SLK: variants seen among roughly 807,000 people sequenced by gnomAD.
SLK encodes the protein STE20 like kinase, also known as STE20-like serine/threonine-protein kinase.
A neutral mutation model predicts 147.7 loss-of-function variants in SLK; 67 were observed. The observed-to-expected ratio is 0.45, with a 90% CI of 0.37 to 0.56. SLK has a LOEUF of 0.56. Among genes scored for constraint, SLK ranks in the 20% least tolerant of loss-of-function variants. SLK has a pLI of 0.00. For synonymous variants in SLK, 441 were observed against 475.0 expected, an observed-to-expected ratio of 0.93 and a Z score of 0.93; for missense variants, 1,136 against 1,438.8, an observed-to-expected ratio of 0.79 and a Z score of 3.41.
intron 1 of SLK, among the ~76,000 whole-genome samples, chr10:103,989,429 T>TCTTTCAG (rs1844059481): frequency 6.7e-6 from 1 of 150,138 alleles, no homozygotes; most frequent in Non-Finnish European, 1.5e-5. Context: ...GTATGCAGAC[T>TCTTTCAG]CTTTCAGCCA....
In SLK at chr10:104,002,732, T is replaced by C; in HGVS notation, c.1554T>C (p.Ser518=). The C allele has an allele frequency of 6.2e-7, 1 of 1,613,542 alleles. No homozygotes were observed. Among genetic ancestry groups the C allele is most frequent in the South Asian group, 1.1e-5 (1 of 91,058 alleles). The change falls in exon 9 of 19, where the codon AGT becomes AGC. Residue 518 remains serine, a synonymous_variant. Transcript: ENST00000369755. Reference sequence around the variant, plus strand: ...AGGCAAATATTCAGGCAGTTGATAGTGAAGTTGGGCTTACAAAGGAAGACA... The same window carrying C: ...AGGCAAATATTCAGGCAGTTGATAGCGAAGTTGGGCTTACAAAGGAAGACA... ...EKEANIQAVD[S]EVGLTKEDTQ... is the part of the protein sequence containing the mutation.
Position 104,026,454 on chromosome 10 carries a change from C to G in SLK, c.*734C>G, listed in dbSNP as rs1314784727. 2.6e-5 allele frequency: 4 copies of G among 152,456 alleles called. No individual in the cohort carries two copies. Among genetic ancestry groups the G allele is most frequent in the African/African-American group, 7.2e-5 (3 of 41,420 alleles). The allele number at this position is 152,456 out of a possible 1,614,324, so 9.4% of individuals were successfully genotyped here. On this transcript the variant is annotated 3_prime_UTR_variant, in exon 19 of 19. Coordinates refer to ENST00000369755, the MANE Select transcript of SLK (RefSeq NM_014720.4). The stretch of plus-strand genomic sequence containing the variant: ...TGGTTGTTTTGGAATTTTTGCTTCT[C>G]TTACCGTTTGATAGAAATTTTCATC...
Position 104,004,677 on chromosome 10 carries a change from T to C in SLK, c.2350-884T>C, listed in dbSNP as rs577025596. ...AAACTGTTTAAAATTTGGATGCATTTTGAGTTTAGCATTTTCACATTCCAT... is the reference window on the plus strand; with the variant it reads ...AAACTGTTTAAAATTTGGATGCATTCTGAGTTTAGCATTTTCACATTCCAT... On this transcript the variant is annotated intron_variant, in intron 9 of 18. Coordinates refer to ENST00000369755, the MANE Select transcript of SLK (RefSeq NM_014720.4). Among the ~76,000 whole-genome samples, 4 of 152,304 alleles carry C rather than the reference T, an allele frequency of 2.6e-5. No individual in the cohort carries two copies. The East Asian group carries it at 7.7e-4, about 29-fold the overall frequency.
chr10:103,969,265 G>A (rs1284343385), intron 1 of SLK, among the ~76,000 whole-genome samples: 1 of 152,100 alleles, frequency 6.6e-6, no homozygotes, highest in Non-Finnish European at 1.5e-5. Flanking sequence ...CACCGTCCCC[G>A]GCTGCCTACT....
At chr10:104,018,095 A>G (rs1844486800) in intron 13 of SLK, 65 bp from the exon 14 acceptor site, 1 of 1,340,644 alleles carries the variant, frequency 7.5e-7, no homozygotes, top group Non-Finnish European at 1.0e-6. Flanking sequence ...ATATACAGCC[A>G]TATAGATAAA....
intron 1 of SLK, 92 bp downstream of exon 1, chr10:103,967,987 C>A: frequency 7.6e-7 from 1 of 1,308,316 alleles, no homozygotes; most frequent in Non-Finnish European, 1.1e-6. Flanking sequence ...TGGTCCTTAT[C>A]CTGTCCTTCT....
intron 18 of SLK, among the ~76,000 whole-genome samples, chr10:104,025,259 A>G (rs889491292): frequency 1.3e-5 from 2 of 152,234 alleles, no homozygotes; most frequent in South Asian, 2.1e-4. Context: ...TAGTATGTGT[A>G]AGTACATCAT....
At chr10:103,972,296 G>C (rs1208452613) in intron 1 of SLK, among the ~76,000 whole-genome samples, 1 of 152,230 alleles carries the variant, frequency 6.6e-6, no homozygotes, top group Non-Finnish European at 1.5e-5. Context: ...GGAATTGCTA[G>C]GTTATAGGGT....
intron 4 of SLK, among the ~76,000 whole-genome samples, chr10:103,996,236 ACT>A (rs1429292524): frequency 6.6e-6 from 1 of 151,218 alleles, no homozygotes; most frequent in Non-Finnish European, 1.5e-5. Context: ...GAAATATGTT[ACT>A]CTGTTTTCTT....
At chr10:103,976,710 C>T (rs1843876119) in intron 1 of SLK, among the ~76,000 whole-genome samples, 3 of 152,132 alleles carry the variant, frequency 2.0e-5, no homozygotes, top group Admixed American at 2.0e-4. Flanking sequence ...TGGAAGCTTT[C>T]TGTCACCCCC....
chr10:103,977,790 C>G (rs981215202), intron 1 of SLK, among the ~76,000 whole-genome samples: 13 of 152,128 alleles, frequency 8.5e-5, no homozygotes, highest in African/African-American at 2.7e-4. Context: ...CTATTAATTA[C>G]TATTCTATAA....
In SLK at chr10:104,029,192, C is replaced by T. The variant is rs1330377512; in HGVS notation, c.*3472C>T. ...CTTGAGAGCAACATGTCTTTTCAAT[C>T]ATGGGATTGACACATGAAAAATAAA... On this transcript the variant is annotated 3_prime_UTR_variant, in exon 19 of 19. Transcript: ENST00000369755. The T allele has an allele frequency of 2.6e-5, 4 of 152,174 alleles. No individual in the cohort carries two copies. Among genetic ancestry groups the T allele is most frequent in the Admixed American group, 2.6e-4 (4 of 15,280 alleles). The allele number at this position is 152,174 out of a possible 1,614,324, so 9.4% of individuals were successfully genotyped here.
At chr10:104,014,971 A>T (rs1460392536) in intron 13 of SLK, among the ~76,000 whole-genome samples, 1 of 152,092 alleles carries the variant, frequency 6.6e-6, no homozygotes, top group African/African-American at 2.4e-5. Flanking sequence ...ACCTGAAAGT[A>T]ATTTCTAATT....
intron 9 of SLK, 78 bp from the exon 10 acceptor site, chr10:104,005,483 A>G: frequency 2.3e-6 from 3 of 1,315,812 alleles, no homozygotes; most frequent in Non-Finnish European, 3.1e-6. Context: ...AAAGAAAGAA[A>G]TGTTTAAGGA....
chr10:104,018,358 A>C (rs2134528897), intron 14 of SLK, 69 bp downstream of exon 14: 2 of 1,413,176 alleles, frequency 1.4e-6, no homozygotes, highest in East Asian at 4.8e-5. Context: ...GTGAATGTAA[A>C]CATATAACCC....
At chr10:104,018,042 CTA>C in intron 13 of SLK, 116 bp from the exon 14 acceptor site, 2 of 735,988 alleles carry the variant, frequency 2.7e-6, no homozygotes, top group Non-Finnish European at 4.3e-6. Flanking sequence ...TAAAATCCAG[CTA>C]ACTTTGCAAA....
intron 1 of SLK, among the ~76,000 whole-genome samples, chr10:103,986,425 C>T (rs1422095084): frequency 6.6e-6 from 1 of 152,136 alleles, no homozygotes; most frequent in Non-Finnish European, 1.5e-5. Context: ...TCACAGTTCA[C>T]GATAGAGTTC....
chr10:104,000,017 T>C (rs1844224793), intron 7 of SLK, 69 bp downstream of exon 7: 1 of 699,942 alleles, frequency 1.4e-6, no homozygotes, highest in South Asian at 2.4e-5. Context: ...TCATATTCAG[T>C]GTGCTTTCTT....
chr10:104,010,404 T>C (rs573562225), intron 12 of SLK, among the ~76,000 whole-genome samples: 29 of 152,340 alleles, frequency 1.9e-4, no homozygotes, highest in East Asian at 3.9e-4. Flanking sequence ...ATTTTGCACT[T>C]TTATAAATGG....
Sources: allele counts gnomAD v4.1 joint callset (sites outside exome capture counted in the v4.1 genomes callset), GRCh38; gene constraint gnomAD v4.1.1; transcripts MANE v1.5; gene names NCBI Gene and HGNC (gene_info 2026-07-23, HGNC 2026-07-21).